The following ANKS1B variants were observed in gnomAD, a reference collection of about 807,000 sequenced individuals.
ANKS1B encodes ankyrin repeat and sterile alpha motif domain-containing protein 1B.
In ANKS1B, 36 loss-of-function variants were observed where a neutral mutation model predicts 148.3. That is an observed-to-expected ratio of 0.24 (90% confidence interval 0.19 to 0.32). The LOEUF is 0.32. Ranked by LOEUF, ANKS1B falls within the 10% of genes least tolerant of loss-of-function variation. The pLI is 1.00. For missense variants in ANKS1B, 1,157 were observed against 1,542.6 expected (o/e 0.75, Z 4.19); for synonymous variants, 542 against 560.8 (o/e 0.97, Z 0.47).
chr12:99,658,302 C>T (rs943883451), intron 8 of ANKS1B, among the ~76,000 whole-genome samples: 1 of 152,092 alleles, frequency 6.6e-6, no homozygotes, highest in Admixed American at 6.6e-5. Flanking sequence ...TACAGTGGAA[C>T]CTCTCTCAGG....
At chr12:99,415,362 T>C (rs1447081816) in intron 11 of ANKS1B, among the ~76,000 whole-genome samples, 1 of 152,196 alleles carries the variant, frequency 6.6e-6, no homozygotes, top group Non-Finnish European at 1.5e-5. Flanking sequence ...TTGTTTCATC[T>C]TAGGAACAGC....
intron 12 of ANKS1B, among the ~76,000 whole-genome samples, chr12:99,273,547 T>C (rs1018979936): frequency 6.6e-6 from 1 of 151,430 alleles, no homozygotes; most frequent in African/African-American, 2.4e-5. Flanking sequence ...TCTTAAAACA[T>C]TATCAGATTC....
At chr12:99,534,042 C>G (rs1450610528) in intron 9 of ANKS1B, among the ~76,000 whole-genome samples, 1 of 152,106 alleles carries the variant, frequency 6.6e-6, no homozygotes, top group Non-Finnish European at 1.5e-5. Context: ...ATTTACTTCA[C>G]AGAGACAAGA....
intron 8 of ANKS1B, among the ~76,000 whole-genome samples, chr12:99,714,384 C>T (rs942210410): frequency 5.9e-5 from 9 of 152,146 alleles, no homozygotes; most frequent in African/African-American, 1.9e-4. Flanking sequence ...TTGTGCTTTG[C>T]TTTATTGCTC....
intron 19 of ANKS1B, among the ~76,000 whole-genome samples, chr12:98,810,368 CAT>C (rs1430008504): frequency 2.0e-5 from 3 of 152,212 alleles, no homozygotes; most frequent in South Asian, 2.1e-4. Flanking sequence ...GTTCAATACA[CAT>C]GTGTCAGGAC....
At chr12:99,419,968 C>A (rs2095034376) in intron 11 of ANKS1B, among the ~76,000 whole-genome samples, 1 of 152,176 alleles carries the variant, frequency 6.6e-6, no homozygotes, top group Admixed American at 6.5e-5. Context: ...GCACACCCAG[C>A]CTGCTTTCTA....
chr12:99,619,768 TGAG>T (rs2098022450), intron 9 of ANKS1B, among the ~76,000 whole-genome samples: 1 of 152,170 alleles, frequency 6.6e-6, no homozygotes, highest in Admixed American at 6.5e-5. Flanking sequence ...AACTTGGGGC[TGAG>T]GAGGTTTCCC....
intron 22 of ANKS1B, among the ~76,000 whole-genome samples, chr12:98,798,467 C>CACTCA (rs1010700949): frequency 6.6e-6 from 1 of 150,460 alleles, no homozygotes; most frequent in Non-Finnish European, 1.5e-5. Context: ...TAGTTCATTC[C>CACTCA]ACTCAAAGTT....
rs1304939850 is a variant in ANKS1B at position 99,632,746 on chromosome 12, T to G, written c.1272+22321A>C. On this transcript the variant is annotated intron_variant, in intron 9 of 26. Coordinates refer to ENST00000683438, the MANE Select transcript of ANKS1B (RefSeq NM_001352186.2). Reference sequence around the variant, plus strand: ...TTCTTTCTATATATATATATATATATATATATATATATATATATATATTTT... The same window carrying G: ...TTCTTTCTATATATATATATATATAGATATATATATATATATATATATTTT... Among the ~76,000 whole-genome samples the G allele has an allele frequency of 2.6e-4, 28 of 107,550 alleles. 2 individuals are homozygous for G. Among genetic ancestry groups the G allele is most frequent in the East Asian group, 1.7e-3 (5 of 2,964 alleles). The allele number at this position is 107,550 out of a possible 152,430, so 70.6% of individuals were successfully genotyped here.
intron 14 of ANKS1B, among the ~76,000 whole-genome samples, chr12:99,202,877 T>C (rs1239616096): frequency 6.6e-6 from 1 of 152,184 alleles, no homozygotes; most frequent in Non-Finnish European, 1.5e-5. Flanking sequence ...TTGTCTTTAT[T>C]CCTGTAGTCT....
intron 26 of ANKS1B, among the ~76,000 whole-genome samples, chr12:98,748,572 A>G (rs1178128670): frequency 6.6e-6 from 1 of 152,162 alleles, no homozygotes; most frequent in Non-Finnish European, 1.5e-5. Context: ...GCTGCCTTCT[A>G]CCGTGCCTTG....
intron 1 of ANKS1B, among the ~76,000 whole-genome samples, chr12:99,943,997 C>A (rs1303616521): frequency 1.3e-5 from 2 of 151,964 alleles, no homozygotes; most frequent in Admixed American, 1.3e-4. Context: ...TGTTCCCCTC[C>A]CTGTGCCCAT....
intron 14 of ANKS1B, among the ~76,000 whole-genome samples, chr12:99,218,020 A>G (rs960040129): frequency 6.6e-6 from 1 of 152,130 alleles, no homozygotes; most frequent in African/African-American, 2.4e-5. Context: ...CTCATGAAAA[A>G]GAAGACATTC....
At chr12:99,493,471 A>G (rs1430367309) in intron 10 of ANKS1B, among the ~76,000 whole-genome samples, 1 of 152,038 alleles carries the variant, frequency 6.6e-6, no homozygotes, top group Non-Finnish European at 1.5e-5. Flanking sequence ...ACTTTAGGAG[A>G]CTATTATAAT....
At chr12:99,220,508 G>A (rs2084939981) in intron 14 of ANKS1B, among the ~76,000 whole-genome samples, 1 of 135,518 alleles carries the variant, frequency 7.4e-6, no homozygotes, top group African/African-American at 2.8e-5. Flanking sequence ...CTGGAGTCCA[G>A]TGGCGTCGGC....
At chr12:98,881,496 C>T (rs1243092875) in intron 17 of ANKS1B, among the ~76,000 whole-genome samples, 2 of 152,118 alleles carry the variant, frequency 1.3e-5, no homozygotes, top group Admixed American at 6.5e-5. Context: ...CAGGTAATAA[C>T]TCATCTTTGT....
intron 8 of ANKS1B, among the ~76,000 whole-genome samples, chr12:99,696,209 C>T (rs757732257): frequency 2.6e-5 from 4 of 152,060 alleles, no homozygotes; most frequent in Non-Finnish European, 5.9e-5. Flanking sequence ...GATAAAATCA[C>T]TTGGAAAAAC....
In ANKS1B at chr12:99,782,039, C is replaced by T. The variant is rs377520194; in HGVS notation, c.728G>A (p.Arg243Gln). 6.2e-6 allele frequency: 10 copies of T among 1,604,940 alleles called. No homozygotes were observed. In the African/African-American group the frequency reaches 6.7e-5, roughly 11 times the overall value. The change falls in exon 5 of 27, where the codon CGA becomes CAA. Residue 243 changes from arginine to glutamine, a missense_variant. Coordinates refer to ENST00000683438, the MANE Select transcript of ANKS1B (RefSeq NM_001352186.2). ...AALFGKVDVV[R>Q]VLLETGIDAN... ...ATAGTTACCTGTTTCTAACAGAACT[C>T]GTACAACATCCACCTTTCCAAACAA...
chr12:99,531,285 T>C (rs1436782357), intron 9 of ANKS1B, among the ~76,000 whole-genome samples: 4 of 152,238 alleles, frequency 2.6e-5, no homozygotes, highest in South Asian at 2.1e-4. Flanking sequence ...TATACATTTT[T>C]ATTTTTACTT....
Sources: allele counts gnomAD v4.1 joint callset (sites outside exome capture counted in the v4.1 genomes callset), GRCh38; gene constraint gnomAD v4.1.1; transcripts MANE v1.5; gene names NCBI Gene and HGNC (gene_info 2026-07-23, HGNC 2026-07-21).